The following MRTFA variants were observed in gnomAD, a reference collection of about 807,000 sequenced individuals.
MRTFA encodes myocardin-related transcription factor A.
In MRTFA, 20 loss-of-function variants were observed where a neutral mutation model predicts 83.5. The ratio of observed to expected loss-of-function variants is 0.24; its 90% CI spans 0.17 to 0.35. The LOEUF is 0.35. Among genes scored for constraint, MRTFA ranks in the 10% least tolerant of loss-of-function variants. MRTFA has a pLI of 1.00. For missense variants in MRTFA, 1,200 were observed against 1,224.7 expected (o/e 0.98, Z 0.30); for synonymous variants, 659 against 541.2 (o/e 1.22, Z -3.02).
chr22:40,513,926 G>C (rs375581377), intron 3 of MRTFA, among the ~76,000 whole-genome samples: 1 of 151,666 alleles, frequency 6.6e-6, no homozygotes, highest in South Asian at 2.1e-4. Context: ...GTGAGAGCCT[G>C]TCTCTAGTTA....
chr22:40,465,012 G>C (rs934368556), intron 3 of MRTFA, among the ~76,000 whole-genome samples: 15 of 151,996 alleles, frequency 9.9e-5, no homozygotes, highest in African/African-American at 3.6e-4. Flanking sequence ...TCTTAATCAA[G>C]CCTGGCCAGT....
intron 2 of MRTFA, among the ~76,000 whole-genome samples, chr22:40,561,833 T>C (rs912639199): frequency 1.3e-5 from 2 of 152,188 alleles, no homozygotes; most frequent in Admixed American, 6.5e-5. Flanking sequence ...GGCCTCTGCC[T>C]TGACCAATCG....
intron 2 of MRTFA, among the ~76,000 whole-genome samples, chr22:40,552,637 C>T (rs141138418): frequency 2.0e-5 from 3 of 152,296 alleles, no homozygotes; most frequent in African/African-American, 7.2e-5. Flanking sequence ...GACATGTTTG[C>T]AACTCCTTCC....
chr22:40,417,544 G>C (rs752092106), intron 12 of MRTFA, 51 bp from the exon 13 acceptor site: 7 of 424,994 alleles, frequency 1.6e-5, no homozygotes, highest in Non-Finnish European at 2.5e-5. Flanking sequence ...TGGGGGTGCA[G>C]ACCTGCCTTG....
intron 11 of MRTFA, 69 bp from the exon 12 acceptor site, chr22:40,419,453 G>T: frequency 6.9e-7 from 1 of 1,443,114 alleles, no homozygotes; most frequent in Non-Finnish European, 9.6e-7. Context: ...CAGGCAGAAG[G>T]GCAGTCTGGG....
intron 3 of MRTFA, among the ~76,000 whole-genome samples, chr22:40,473,954 G>A (rs1337157609): frequency 2.0e-5 from 3 of 152,150 alleles, no homozygotes; most frequent in Non-Finnish European, 4.4e-5. Flanking sequence ...TGCTACTCAA[G>A]TTCTGCTGCC....
In MRTFA at chr22:40,470,231, TTATATATATATATATATATATATATATA is replaced by T. The variant is rs71328709; in HGVS notation, c.242-6973_242-6946del. Among the ~76,000 whole-genome samples the T allele has an allele frequency of 5.7e-4, 26 of 45,650 alleles. 1 individual carries two copies. In the South Asian group the frequency reaches 0.011, roughly 19 times the overall value. The allele number at this position is 45,650 out of a possible 152,430, so 29.9% of individuals were successfully genotyped here. ...ACAGCAAGACCCCATCTCCAAAATT[TTATATATATATATATATATATATATATA>T]TATATATATATATATATATATAAAG... is the stretch of plus-strand genomic sequence containing the variant. On this transcript the variant is annotated intron_variant, in intron 3 of 14. Transcript: ENST00000355630.
intron 14 of MRTFA, 159 bp from the exon 15 acceptor site, chr22:40,412,066 A>T: frequency 1.9e-6 from 1 of 530,780 alleles, no homozygotes; most frequent in Non-Finnish European, 3.0e-6. Context: ...AAAACTCTTT[A>T]AAAATATTTG....
At chr22:40,601,127 C>T (rs2056254505) in intron 1 of MRTFA, among the ~76,000 whole-genome samples, 1 of 152,166 alleles carries the variant, frequency 6.6e-6, no homozygotes, top group Admixed American at 6.5e-5. Context: ...TATTAAGACT[C>T]AGACATAGTA....
intron 2 of MRTFA, among the ~76,000 whole-genome samples, chr22:40,581,796 G>A (rs558181039): frequency 5.3e-5 from 8 of 152,148 alleles, no homozygotes; most frequent in African/African-American, 1.2e-4. Flanking sequence ...ATGATGATAC[G>A]GAGTATCTTT....
intron 1 of MRTFA, among the ~76,000 whole-genome samples, chr22:40,610,139 T>C (rs2056370543): frequency 6.7e-6 from 1 of 148,228 alleles, no homozygotes; most frequent in African/African-American, 2.5e-5. Flanking sequence ...CTCCACCTCC[T>C]GGGTTCAGAC....
intron 3 of MRTFA, among the ~76,000 whole-genome samples, chr22:40,487,028 C>A (rs2054184606): frequency 6.6e-6 from 1 of 152,174 alleles, no homozygotes. Flanking sequence ...AAATTCACTA[C>A]ACAAGAGACT....
chr22:40,447,971 T>C (rs750099088), intron 4 of MRTFA, among the ~76,000 whole-genome samples: 22 of 152,196 alleles, frequency 1.4e-4, no homozygotes, highest in Non-Finnish European at 2.6e-4. Flanking sequence ...GGAGGGCATA[T>C]TGCTTGAGCC....
At position 40,610,790 on chromosome 22, in the gene MRTFA, A is replaced by T. The variant is rs186725221; in HGVS notation, c.-83-16055T>A. ...ACCCCAGTGACACTATGACATAAATAGGGGAAAAAAAGTCTTGGAGGGAAA... is the reference window on the plus strand; with the variant it reads ...ACCCCAGTGACACTATGACATAAATTGGGGAAAAAAAGTCTTGGAGGGAAA... On this transcript the variant is annotated intron_variant, in intron 1 of 14. Coordinates refer to ENST00000355630, the MANE Select transcript of MRTFA (RefSeq NM_020831.6). 1.8e-3 allele frequency among the ~76,000 whole-genome samples: 267 copies of T among 152,032 alleles called. 1 individual carries two copies. Among genetic ancestry groups the T allele is most frequent in the Admixed American group, 6.7e-3 (102 of 15,240 alleles).
intron 1 of MRTFA, among the ~76,000 whole-genome samples, chr22:40,596,683 T>C (rs2056196454): frequency 6.6e-6 from 1 of 152,150 alleles, no homozygotes; most frequent in South Asian, 2.1e-4. Flanking sequence ...GGCACGTACC[T>C]GTAGTCCCAG....
At chr22:40,431,981 C>T (rs562224455) in intron 5 of MRTFA, among the ~76,000 whole-genome samples, 2 of 152,286 alleles carry the variant, frequency 1.3e-5, no homozygotes, top group Admixed American at 1.3e-4. Flanking sequence ...CACGGTGGCT[C>T]AAGCCTGTAA....
chr22:40,554,705 T>C (rs2055494338), intron 2 of MRTFA, among the ~76,000 whole-genome samples: 1 of 152,226 alleles, frequency 6.6e-6, no homozygotes, highest in Non-Finnish European at 1.5e-5. Context: ...CACTGGAGTA[T>C]ATGCCGATGC....
At chr22:40,558,148 C>T (rs1002991044) in intron 2 of MRTFA, among the ~76,000 whole-genome samples, 9 of 150,714 alleles carry the variant, frequency 6.0e-5, no homozygotes, top group Non-Finnish European at 1.0e-4. Context: ...TGCAGTGGCA[C>T]GATCATAGCT....
At chr22:40,607,786 T>C (rs1173336793) in intron 1 of MRTFA, among the ~76,000 whole-genome samples, 1 of 152,180 alleles carries the variant, frequency 6.6e-6, no homozygotes, top group Non-Finnish European at 1.5e-5. Context: ...CACTCCACAC[T>C]AGGGCAAACT....
Sources: allele counts gnomAD v4.1 joint callset (sites outside exome capture counted in the v4.1 genomes callset), GRCh38; gene constraint gnomAD v4.1.1; transcripts MANE v1.5; gene names NCBI Gene and HGNC (gene_info 2026-07-23, HGNC 2026-07-21).